Variants in STK39 observed in about 807,000 individuals in gnomAD.
STK39 encodes STE20/SPS1-related proline-alanine-rich protein kinase.
STK39 carries 20 observed loss-of-function variants against 77.8 expected under a neutral mutation model. That is an observed-to-expected ratio of 0.26 (90% CI 0.18 to 0.37). The LOEUF (loss-of-function observed/expected upper bound fraction) is 0.37. STK39 is among the 10% of genes least tolerant of loss of function. The pLI, the probability that STK39 is intolerant of heterozygous loss-of-function variation, is 1.00. For missense variants in STK39, 479 were observed against 656.5 expected, an observed-to-expected ratio of 0.73 and a Z score of 2.95; for synonymous variants, 246 against 234.1, an observed-to-expected ratio of 1.05 and a Z score of -0.47.
chr2:168,030,952 C>G (rs531463204), intron 14 of STK39, among the ~76,000 whole-genome samples: 1 of 152,132 alleles, frequency 6.6e-6, no homozygotes, highest in South Asian at 2.1e-4. Flanking sequence ...GCCAGGAGAC[C>G]GGATGAGGAC....
chr2:167,983,405 G>C (rs1243177541), intron 16 of STK39, among the ~76,000 whole-genome samples: 1 of 139,850 alleles, frequency 7.2e-6, no homozygotes, highest in Non-Finnish European at 1.5e-5. Context: ...CTTGAACCCA[G>C]ATTGCGCCGT....
At chr2:168,174,061 C>T (rs1388032265) in intron 2 of STK39, among the ~76,000 whole-genome samples, 2 of 152,012 alleles carry the variant, frequency 1.3e-5, no homozygotes, top group Non-Finnish European at 2.9e-5. Flanking sequence ...AAGTATAGTC[C>T]AATGGAAGGC....
At chr2:168,137,463 G>A (rs1687869039) in intron 8 of STK39, among the ~76,000 whole-genome samples, 1 of 152,178 alleles carries the variant, frequency 6.6e-6, no homozygotes, top group Non-Finnish European at 1.5e-5. Flanking sequence ...AATTAAGAAG[G>A]AAGAAAAGGA....
At chr2:168,221,957 T>C (rs548673977) in intron 1 of STK39, among the ~76,000 whole-genome samples, 55 of 152,306 alleles carry the variant, frequency 3.6e-4, no homozygotes, top group East Asian at 9.6e-4. Flanking sequence ...GTTTCACGAT[T>C]TAATAAGTAT....
chr2:168,180,565 C>T (rs1201569513), intron 2 of STK39, among the ~76,000 whole-genome samples: 1 of 152,104 alleles, frequency 6.6e-6, no homozygotes, highest in Non-Finnish European at 1.5e-5. Context: ...TGTAACTCTA[C>T]TAAAGTGAAA....
Position 168,232,911 on chromosome 2 carries a change from C to CAA in STK39, c.208+14315_208+14316dup, listed in dbSNP as rs397952357. Among the ~76,000 whole-genome samples the CAA allele has an allele frequency of 6.0e-4, 86 of 144,260 alleles. 1 individual carries two copies. Among genetic ancestry groups the CAA allele is most frequent in the South Asian group, 4.0e-3 (18 of 4,498 alleles). 94.6% of individuals were successfully genotyped at this position (144,260 alleles called of 152,430 possible). On this transcript the variant is annotated intron_variant, in intron 1 of 17. Coordinates refer to ENST00000355999, the MANE Select transcript of STK39 (RefSeq NM_013233.3). ...TGGGCGACAGAGTGAGATGCTGTCTCAAAAAAAAAAAGAACAGGACATGAA... is the reference window on the plus strand; with the variant it reads ...TGGGCGACAGAGTGAGATGCTGTCTCAAAAAAAAAAAAAGAACAGGACATGAA...
chr2:167,959,211 C>T lies in STK39; in HGVS notation c.1564-3641G>A, dbSNP rs551021290. ...TCGGCTCACTGCAACCTCCGCCTCC[C>T]GGGTTCAAGCGATTCTCTTGCCTCA... On this transcript the variant is annotated intron_variant, in intron 17 of 17. Transcript: ENST00000355999. Among the ~76,000 whole-genome samples, 317 of 151,216 alleles carry T rather than the reference C, an allele frequency of 2.1e-3. 1 individual carries two copies. Among genetic ancestry groups the T allele is most frequent in the African/African-American group, 6.9e-3 (284 of 41,140 alleles).
intron 1 of STK39, among the ~76,000 whole-genome samples, chr2:168,189,058 C>G (rs1689276282): frequency 6.6e-6 from 1 of 152,076 alleles, no homozygotes; most frequent in Non-Finnish European, 1.5e-5. Context: ...GAGCCTCCTT[C>G]CAGGGTTGCT....
At chr2:168,025,458 CT>C (rs977329149) in intron 14 of STK39, among the ~76,000 whole-genome samples, 1 of 152,206 alleles carries the variant, frequency 6.6e-6, no homozygotes, top group African/African-American at 2.4e-5. Flanking sequence ...TTCTCTCAAA[CT>C]TCACTGCTAC....
At chr2:168,083,615 T>TA (rs1283067617) in intron 10 of STK39, among the ~76,000 whole-genome samples, 3 of 151,796 alleles carry the variant, frequency 2.0e-5, no homozygotes, top group Non-Finnish European at 2.9e-5. Context: ...CAAGGGACAG[T>TA]ATGGAAGGGT....
chr2:168,046,716 GA>G (rs1685250755), intron 14 of STK39, among the ~76,000 whole-genome samples: 1 of 152,228 alleles, frequency 6.6e-6, no homozygotes, highest in African/African-American at 2.4e-5. Flanking sequence ...CAACCAAGAG[GA>G]AAAAGCAACC....
At chr2:168,056,886 G>A (rs1685540695) in intron 14 of STK39, among the ~76,000 whole-genome samples, 1 of 152,196 alleles carries the variant, frequency 6.6e-6, no homozygotes, top group South Asian at 2.1e-4. Flanking sequence ...CAGGCCCAGA[G>A]ATGATGCAAA....
intron 16 of STK39, among the ~76,000 whole-genome samples, chr2:167,993,323 T>C (rs995072626): frequency 2.0e-5 from 3 of 152,320 alleles, no homozygotes; most frequent in Admixed American, 6.5e-5. Flanking sequence ...GAGAAGATTG[T>C]TGGGGACTTC....
chr2:167,978,662 G>A lies in STK39; in HGVS notation c.1499-13936C>T, dbSNP rs1574361193. ...ATACCTCAAATTGCATGTTTTTCAA[G>A]TCTGAGTATGAACATGTGTACACAC... On this transcript the variant is annotated intron_variant, in intron 16 of 17. Coordinates refer to ENST00000355999, the MANE Select transcript of STK39 (RefSeq NM_013233.3). 2.0e-5 allele frequency among the ~76,000 whole-genome samples: 3 copies of A among 152,226 alleles called. No homozygotes were observed. In the East Asian group the frequency reaches 5.8e-4, roughly 29 times the overall value.
At chr2:168,167,457 A>G (rs201778086) in intron 2 of STK39, 50 bp from the exon 3 acceptor site, 30 of 1,524,956 alleles carry the variant, frequency 2.0e-5, no homozygotes, top group Non-Finnish European at 2.2e-5. Context: ...AAAATTGGCA[A>G]GCAAAACACA....
rs1276253365 is a variant in STK39, at chr2:168,236,927, T to G, written c.208+10301A>C. ...TTTTGTCTTAGGATTGACTTGGCAA[T>G]GCGGGCTTTTTGGTTCCATATGAAC... On this transcript the variant is annotated intron_variant, in intron 1 of 17. Coordinates refer to ENST00000355999, the MANE Select transcript of STK39 (RefSeq NM_013233.3). Among the ~76,000 whole-genome samples, 3 of 152,266 alleles carry G rather than the reference T, an allele frequency of 2.0e-5. No individual in the cohort carries two copies. In the East Asian group the frequency reaches 5.8e-4, roughly 29 times the overall value.
intron 14 of STK39, among the ~76,000 whole-genome samples, chr2:168,018,691 A>G (rs971097916): frequency 1.3e-5 from 2 of 152,150 alleles, no homozygotes; most frequent in African/African-American, 4.8e-5. Context: ...ATCCCTGAAC[A>G]TCCTCCTGAG....
intron 2 of STK39, among the ~76,000 whole-genome samples, chr2:168,180,735 A>AT (rs75865340): frequency 0.078 from 11,939 of 152,230 alleles, 1,130 homozygotes; most frequent in East Asian, 0.23. Context: ...TGCAGCAGGA[A>AT]TTTCAGTAAG....
intron 10 of STK39, among the ~76,000 whole-genome samples, chr2:168,086,582 T>G (rs572206970): frequency 5.4e-4 from 82 of 152,248 alleles, no homozygotes; most frequent in African/African-American, 1.9e-3. Flanking sequence ...TATAGGCAAT[T>G]AGAAAAAAAA....
Sources: gnomAD v4.1 joint callset for allele counts (sites outside exome capture counted in the v4.1 genomes callset) on GRCh38, gnomAD v4.1.1 for gene constraint, MANE v1.5 for transcripts, NCBI Gene and HGNC (gene_info 2026-07-23, HGNC 2026-07-21) for gene names.